SLAIN2: variants seen among roughly 807,000 people sequenced by gnomAD.
SLAIN2 encodes the protein SLAIN family member 2.
In SLAIN2, 31 loss-of-function variants were observed where a neutral mutation model predicts 56.6. The observed-to-expected ratio is 0.55, with a 90% CI of 0.41 to 0.74. The LOEUF (loss-of-function observed/expected upper bound fraction) is 0.74, where lower values mean the gene tolerates loss of function less well. Among genes scored for constraint, SLAIN2 ranks in the 30% least tolerant of loss-of-function variants. The pLI is 0.00. For missense variants in SLAIN2, 777 were observed against 754.2 expected, an observed-to-expected ratio of 1.03 and a Z score of -0.35; for synonymous variants, 317 against 284.9, an observed-to-expected ratio of 1.11 and a Z score of -1.13.
chr4:48,398,365 G>C (rs996756236), intron 6 of SLAIN2, among the ~76,000 whole-genome samples: 1 of 151,752 alleles, frequency 6.6e-6, no homozygotes, highest in African/African-American at 2.4e-5. Context: ...TTGTAAATTT[G>C]TTTCAGTTCC....
chr4:48,388,372 C>T (rs968551469), intron 6 of SLAIN2, among the ~76,000 whole-genome samples: 6 of 152,084 alleles, frequency 3.9e-5, no homozygotes, highest in Admixed American at 3.9e-4. Flanking sequence ...CTTTCTAAGA[C>T]TGTTAAAGCA....
At chr4:48,420,829 C>T (rs1044671739) in intron 7 of SLAIN2, among the ~76,000 whole-genome samples, 1 of 152,058 alleles carries the variant, frequency 6.6e-6, no homozygotes, top group African/African-American at 2.4e-5. Context: ...GCTACCAAGT[C>T]TGAGTATAAT....
intron 2 of SLAIN2, among the ~76,000 whole-genome samples, chr4:48,372,671 AAG>A (rs1386556151): frequency 6.6e-6 from 1 of 152,218 alleles, no homozygotes; most frequent in African/African-American, 2.4e-5. Flanking sequence ...AGGAGTGTGT[AAG>A]AGAGGCAGTT....
chr4:48,385,143 A>G (rs1321075534), intron 6 of SLAIN2, among the ~76,000 whole-genome samples: 1 of 152,234 alleles, frequency 6.6e-6, no homozygotes, highest in African/African-American at 2.4e-5. Context: ...TGAGCCAAGA[A>G]GTAGTGATGT....
At position 48,346,835 on chromosome 4, in the gene SLAIN2, CTTT is replaced by C. The variant is rs71191209; in HGVS notation, c.389+4725_389+4727del. Among the ~76,000 whole-genome samples, 261 of 127,972 alleles carry C rather than the reference CTTT, an allele frequency of 2.0e-3. 2 individuals are homozygous for C. Among genetic ancestry groups the C allele is most frequent in the African/African-American group, 7.0e-3 (234 of 33,494 alleles). The allele number at this position is 127,972 out of a possible 152,430, so 84.0% of individuals were successfully genotyped here. ...GACATCTAATAAGCTTTCTATTTCC[CTTT>C]TTTTTTTTTTTTTTTTTAAGAGACA... On this transcript the variant is annotated intron_variant, in intron 1 of 7. Transcript: ENST00000264313.
chr4:48,386,758 T>C (rs187044744), intron 6 of SLAIN2, among the ~76,000 whole-genome samples: 16 of 152,306 alleles, frequency 1.1e-4, no homozygotes, highest in Admixed American at 7.2e-4. Flanking sequence ...TTGAGCTTTA[T>C]CTTTGAAATC....
At chr4:48,370,087 T>C (rs1715624782) in intron 2 of SLAIN2, 90 bp downstream of exon 2, 2 of 1,299,436 alleles carry the variant, frequency 1.5e-6, no homozygotes, top group Non-Finnish European at 2.1e-6. Context: ...TAGGAAGCAA[T>C]TCTTTGGAGC....
intron 1 of SLAIN2, among the ~76,000 whole-genome samples, chr4:48,354,225 A>G (rs1051904871): frequency 7.2e-5 from 11 of 152,172 alleles, no homozygotes. Context: ...TAACAAAAAG[A>G]TCCTGGGCTA....
intron 1 of SLAIN2, among the ~76,000 whole-genome samples, chr4:48,342,955 A>C (rs1362465463): frequency 6.6e-6 from 1 of 151,816 alleles, no homozygotes; most frequent in African/African-American, 2.4e-5. Flanking sequence ...TGGCCCCCCC[A>C]CCTTAATATC....
intron 1 of SLAIN2, among the ~76,000 whole-genome samples, chr4:48,354,039 A>C (rs1469838156): frequency 6.6e-6 from 1 of 152,164 alleles, no homozygotes; most frequent in Non-Finnish European, 1.5e-5. Context: ...GAGCTCTGTG[A>C]CTGACACCAA....
intron 1 of SLAIN2, 143 bp downstream of exon 1, chr4:48,342,271 G>A: frequency 9.0e-7 from 1 of 1,110,630 alleles, no homozygotes; most frequent in Non-Finnish European, 1.2e-6. Context: ...TCTTGCTTTG[G>A]CAGAGGGAAC....
intron 4 of SLAIN2, 86 bp downstream of exon 4, chr4:48,379,934 G>A: frequency 8.4e-7 from 1 of 1,188,164 alleles, no homozygotes; most frequent in Non-Finnish European, 1.1e-6. Context: ...GTATTGTGGG[G>A]GTAGTAATGT....
At position 48,423,783 on chromosome 4, in the gene SLAIN2, T is replaced by A. The variant is rs1278039044; in HGVS notation, c.*1706T>A. ...AAGGAAGAAACTTTATCCTTGAATT[T>A]GAGGGTGATGGGGTGGGTCAGGAAA... On this transcript the variant is annotated 3_prime_UTR_variant, in exon 8 of 8. Coordinates refer to ENST00000264313, the MANE Select transcript of SLAIN2 (RefSeq NM_020846.2). The A allele has an allele frequency of 6.6e-6, 1 of 152,124 alleles. No homozygotes were observed. Among genetic ancestry groups the A allele is most frequent in the Non-Finnish European group, 1.5e-5 (1 of 68,014 alleles). 9.4% of individuals were successfully genotyped at this position (152,124 alleles called of 1,614,324 possible).
chr4:48,382,948 A>G (rs1560458504), intron 5 of SLAIN2, 21 bp downstream of exon 5: 4 of 1,564,762 alleles, frequency 2.6e-6, no homozygotes, highest in Admixed American at 1.9e-5. Flanking sequence ...AGATTTTACT[A>G]ATAATTAGAC....
intron 1 of SLAIN2, among the ~76,000 whole-genome samples, chr4:48,361,027 A>G (rs2109744159): frequency 6.6e-6 from 1 of 152,360 alleles, no homozygotes; most frequent in African/African-American, 2.4e-5. Flanking sequence ...ATAGTCTCTT[A>G]TTAGAATGGG....
intron 6 of SLAIN2, among the ~76,000 whole-genome samples, chr4:48,399,794 A>T (rs1276822871): frequency 1.3e-5 from 2 of 151,928 alleles, no homozygotes; most frequent in African/African-American, 4.8e-5. Context: ...TGTTTATGTG[A>T]TGAATTACAT....
chr4:48,358,869 C>T (rs1453573627), intron 1 of SLAIN2, among the ~76,000 whole-genome samples: 2 of 151,788 alleles, frequency 1.3e-5, no homozygotes, highest in Non-Finnish European at 2.9e-5. Context: ...TACAGGCTCC[C>T]GCAGCCACGA....
Position 48,413,912 on chromosome 4 carries a change from T to C in SLAIN2, c.1361-6213T>C, listed in dbSNP as rs561431785. Among the ~76,000 whole-genome samples the C allele has an allele frequency of 3.3e-5, 5 of 152,322 alleles. No individual in the cohort carries two copies. The South Asian group carries it at 6.2e-4, about 19-fold the overall frequency. ...CAGTGAATATCAAGTTAAAAAGATA[T>C]GTATAATTTATTCAGTTTTTTCATT... On this transcript the variant is annotated intron_variant, in intron 6 of 7. Coordinates refer to ENST00000264313, the MANE Select transcript of SLAIN2 (RefSeq NM_020846.2).
intron 1 of SLAIN2, among the ~76,000 whole-genome samples, chr4:48,359,006 C>T (rs1470548337): frequency 6.6e-6 from 1 of 152,180 alleles, no homozygotes; most frequent in African/African-American, 2.4e-5. Context: ...CAGGCATGAG[C>T]CACCACGCCC....
Sources: gnomAD v4.1 joint callset for allele counts (sites outside exome capture counted in the v4.1 genomes callset) on GRCh38, gnomAD v4.1.1 for gene constraint, MANE v1.5 for transcripts, NCBI Gene and HGNC (gene_info 2026-07-23, HGNC 2026-07-21) for gene names.